The following ADCY8 variants were observed in gnomAD, a reference collection of about 807,000 sequenced individuals.
ADCY8 encodes the protein adenylate cyclase type 8.
ADCY8 carries 51 observed loss-of-function variants against 119.7 expected under a neutral mutation model. That is an observed-to-expected ratio of 0.43 (90% CI 0.34 to 0.54). The LOEUF (loss-of-function observed/expected upper bound fraction) is 0.54, where lower values mean the gene tolerates loss of function less well. Among genes scored for constraint, ADCY8 ranks in the 20% least tolerant of loss-of-function variants. The pLI, the probability that ADCY8 is intolerant of heterozygous loss-of-function variation, is 0.03. For missense variants in ADCY8, 1,383 were observed against 1,598.8 expected (o/e 0.87, Z 2.30); for synonymous variants, 665 against 651.0 (o/e 1.02, Z -0.33).
At chr8:130,881,117 T>G (rs1818754577) in intron 8 of ADCY8, among the ~76,000 whole-genome samples, 1 of 151,928 alleles carries the variant, frequency 6.6e-6, no homozygotes, top group Non-Finnish European at 1.5e-5. Flanking sequence ...CTAAAAAGAG[T>G]CAGATCAAAA....
chr8:130,938,137 A>C (rs949252659), intron 4 of ADCY8, among the ~76,000 whole-genome samples: 1 of 152,154 alleles, frequency 6.6e-6, no homozygotes, highest in African/African-American at 2.4e-5. Flanking sequence ...ACAGGATCAA[A>C]TCTCAGATAC....
At chr8:130,851,055 C>T (rs1288561132) in intron 9 of ADCY8, among the ~76,000 whole-genome samples, 2 of 152,178 alleles carry the variant, frequency 1.3e-5, no homozygotes, top group Non-Finnish European at 2.9e-5. Context: ...CTCTGTTATA[C>T]CGTTCTGATA....
chr8:130,860,351 T>C (rs1817885666), intron 9 of ADCY8, among the ~76,000 whole-genome samples: 1 of 152,180 alleles, frequency 6.6e-6, no homozygotes, highest in African/African-American at 2.4e-5. Flanking sequence ...GGTCTGTGGT[T>C]TGTGTTTTCA....
At chr8:130,884,289 C>T (rs17248420) in intron 8 of ADCY8, among the ~76,000 whole-genome samples, 5,291 of 152,276 alleles carry the variant, frequency 0.035, 122 homozygotes, top group Non-Finnish European at 0.052. Flanking sequence ...GTGGAAGAAA[C>T]TCTTGATGCT....
intron 9 of ADCY8, among the ~76,000 whole-genome samples, chr8:130,859,695 G>A (rs916921258): frequency 6.6e-5 from 10 of 152,166 alleles, no homozygotes; most frequent in Non-Finnish European, 2.9e-5. Context: ...TCTCTGTGCT[G>A]TAAAGTTTTA....
At chr8:130,836,789 A>G (rs1428457510) in intron 11 of ADCY8, among the ~76,000 whole-genome samples, 1 of 152,146 alleles carries the variant, frequency 6.6e-6, no homozygotes, top group Non-Finnish European at 1.5e-5. Context: ...GCTGGAGGGC[A>G]GTGGTATCAT....
At chr8:130,983,854 C>T (rs556059786) in intron 2 of ADCY8, among the ~76,000 whole-genome samples, 37 of 152,292 alleles carry the variant, frequency 2.4e-4, no homozygotes, top group Non-Finnish European at 4.3e-4. Context: ...AGACAGGAAT[C>T]GACCAAATCA....
chr8:130,963,667 G>T (rs1821675196), intron 2 of ADCY8, among the ~76,000 whole-genome samples: 1 of 152,142 alleles, frequency 6.6e-6, no homozygotes, highest in Admixed American at 6.5e-5. Context: ...GCAGTAGTTT[G>T]ATGAATACTA....
chr8:130,883,338 A>G (rs1230611783), intron 8 of ADCY8, among the ~76,000 whole-genome samples: 1 of 152,172 alleles, frequency 6.6e-6, no homozygotes. Context: ...CCTTAATTAT[A>G]TGATGAATAA....
In ADCY8 at chr8:130,898,523, G is replaced by A. The variant is rs963244515; in HGVS notation, c.1911+5249C>T. On this transcript the variant is annotated intron_variant, in intron 7 of 17. Coordinates refer to ENST00000286355, the MANE Select transcript of ADCY8 (RefSeq NM_001115.3). Reference sequence around the variant, plus strand: ...TGCATAGAAATGACTAAAACATACAGTGGAGGTACCAGTTGTGTACTTTTC... The same window carrying A: ...TGCATAGAAATGACTAAAACATACAATGGAGGTACCAGTTGTGTACTTTTC... Among the ~76,000 whole-genome samples the A allele has an allele frequency of 1.3e-4, 20 of 152,196 alleles. 1 individual carries two copies. Among genetic ancestry groups the A allele is most frequent in the Non-Finnish European group, 7.3e-5 (5 of 68,040 alleles).
chr8:130,943,325 CGAG>C (rs1402948019), intron 4 of ADCY8, 23 bp downstream of exon 4: 2 of 1,533,540 alleles, frequency 1.3e-6, no homozygotes, highest in African/African-American at 1.4e-5. Flanking sequence ...CTGCAAAAGA[CGAG>C]GAGGAAATTA....
intron 12 of ADCY8, among the ~76,000 whole-genome samples, chr8:130,832,585 T>C (rs1816871159): frequency 6.6e-6 from 1 of 152,156 alleles, no homozygotes; most frequent in African/African-American, 2.4e-5. Context: ...TCTTATTGAT[T>C]TCATTCCATT....
chr8:130,946,915 G>A (rs1273728758), intron 3 of ADCY8, among the ~76,000 whole-genome samples: 1 of 152,180 alleles, frequency 6.6e-6, no homozygotes, highest in Non-Finnish European at 1.5e-5. Flanking sequence ...ACTGGTTTAA[G>A]TCATAGTTGT....
At chr8:130,813,038 C>G (rs1318541800) in intron 14 of ADCY8, among the ~76,000 whole-genome samples, 2 of 151,780 alleles carry the variant, frequency 1.3e-5, no homozygotes, top group Non-Finnish European at 2.9e-5. Context: ...ACCTCTGCCC[C>G]CCAGGTTCAA....
At chr8:130,809,561 T>G (rs1816094646) in intron 14 of ADCY8, among the ~76,000 whole-genome samples, 1 of 138,212 alleles carries the variant, frequency 7.2e-6, no homozygotes, top group Non-Finnish European at 1.5e-5. Context: ...GGAATTCTTT[T>G]CCTCCACCTC....
chr8:130,998,863 T>TA (rs796267721), intron 1 of ADCY8, among the ~76,000 whole-genome samples: 5 of 151,924 alleles, frequency 3.3e-5, no homozygotes, highest in African/African-American at 7.2e-5. Context: ...AAGTTCTAGT[T>TA]AAAAAAAATG....
chr8:130,803,991 A>G (rs907507352), intron 14 of ADCY8, among the ~76,000 whole-genome samples: 3 of 152,202 alleles, frequency 2.0e-5, no homozygotes, highest in African/African-American at 4.8e-5. Flanking sequence ...GAGCAAAGGT[A>G]AATGGCTTTC....
At chr8:130,906,089 T>A (rs1283441490) in intron 6 of ADCY8, among the ~76,000 whole-genome samples, 4 of 152,222 alleles carry the variant, frequency 2.6e-5, no homozygotes, top group African/African-American at 7.2e-5. Context: ...AAGTGCAAGA[T>A]GTTAAAAATA....
At chr8:130,886,238 T>G (rs1818978143) in intron 7 of ADCY8, among the ~76,000 whole-genome samples, 2 of 152,124 alleles carry the variant, frequency 1.3e-5, no homozygotes, top group African/African-American at 4.8e-5. Flanking sequence ...AGAATAGAGC[T>G]GCCTGTGCCA....
Sources: allele counts gnomAD v4.1 joint callset (sites outside exome capture counted in the v4.1 genomes callset), GRCh38; gene constraint gnomAD v4.1.1; transcripts MANE v1.5; gene names NCBI Gene and HGNC (gene_info 2026-07-23, HGNC 2026-07-21).